The following BMX variants were observed in gnomAD, a reference collection of about 807,000 sequenced individuals.
BMX encodes the protein cytoplasmic tyrosine-protein kinase BMX.
A neutral mutation model predicts 59.2 loss-of-function variants in BMX; 31 were observed. That is an observed-to-expected ratio of 0.52 (90% confidence interval 0.39 to 0.71). The LOEUF (loss-of-function observed/expected upper bound fraction) is 0.71. Among genes scored for constraint, BMX ranks in the 30% least tolerant of loss-of-function variants. The pLI is 0.00. For synonymous variants in BMX, 185 were observed against 181.0 expected (o/e 1.02, Z -0.18); for missense variants, 474 against 491.7 (o/e 0.96, Z 0.34).
chrX:15,538,820 G>T (rs1217480359), intron 14 of BMX, among the ~76,000 whole-genome samples: 1 of 111,484 alleles, frequency 9.0e-6, no homozygotes, highest in African/African-American at 3.3e-5. Context: ...AAAATTATTT[G>T]GAAGCAGAGA....
chrX:15,526,922 GA>G (rs1200198805), intron 9 of BMX, among the ~76,000 whole-genome samples: 2 of 109,650 alleles, frequency 1.8e-5, no homozygotes, highest in Non-Finnish European at 3.8e-5. Flanking sequence ...GGATACTTTA[GA>G]AAGAGAAAAA....
At chrX:15,506,405 A>AT (rs1923744166) in intron 1 of BMX, among the ~76,000 whole-genome samples, 1 of 112,435 alleles carries the variant, frequency 8.9e-6, no homozygotes, top group African/African-American at 3.2e-5. Flanking sequence ...GCTTTGAGGA[A>AT]TGATGTTTCA....
intron 9 of BMX, among the ~76,000 whole-genome samples, chrX:15,527,730 G>C (rs1924863915): frequency 8.9e-6 from 1 of 111,756 alleles, no homozygotes; most frequent in African/African-American, 3.3e-5. Context: ...CTCTAACCCA[G>C]CCTGGTCCTA....
intron 4 of BMX, among the ~76,000 whole-genome samples, chrX:15,514,013 C>G (rs1157846511): frequency 9.0e-6 from 1 of 111,589 alleles, no homozygotes; most frequent in Non-Finnish European, 1.9e-5. Context: ...ATGAGTTCCT[C>G]TTATTGTCGT....
intron 1 of BMX, chrX:15,507,191 C>T (rs1459305647): frequency 4.1e-6 from 1 of 244,139 alleles, no homozygotes; most frequent in Non-Finnish European, 5.8e-6. Flanking sequence ...TGGATGGGTT[C>T]GCTTGGCGCC....
chrX:15,523,346 C>T (rs1924560669), intron 7 of BMX, among the ~76,000 whole-genome samples: 1 of 112,276 alleles, frequency 8.9e-6, no homozygotes, highest in African/African-American at 3.2e-5. Context: ...CAGAGCATCT[C>T]TCTGACTCAC....
rs746626126 is a variant in BMX, at chrX:15,546,909, G to A, written c.1783G>A (p.Val595Ile). Reference sequence around the variant, plus strand: ...CTTCAAATACAGCAGCAAGTCAGACGTATGGGCATTTGGTAAGGATGTGGC... The same window carrying A: ...CTTCAAATACAGCAGCAAGTCAGACATATGGGCATTTGGTAAGGATGTGGC... ...HYFKYSSKSD[V>I]WAFGILMWEV... The change falls in exon 17 of 19, where the codon GTA (valine) becomes ATA (isoleucine). Residue 595 changes from valine to isoleucine, a missense_variant. Physicochemically the swap from Val to Ile is conservative, Grantham distance 29. Transcript: ENST00000348343. 5.8e-6 allele frequency: 7 copies of A among 1,206,075 alleles called. No individual in the cohort carries two copies. The highest frequency in any genetic ancestry group is 3.0e-5 in the East Asian group (1 of 33,746).
rs777880915 is a variant in BMX at position 15,543,106 on chromosome X, T to C, written c.1647T>C (p.Cys549=). The C allele has an allele frequency of 6.6e-6, 8 of 1,208,676 alleles. No individual in the cohort carries two copies. In the South Asian group the frequency reaches 1.1e-4, roughly 16 times the overall value. ...ARNCLVDRDL[C]VKVSDFGMTR... ...ACTGCTTGGTGGACAGAGATCTCTG[T>C]GTGAAAGTATCTGACTTTGGAATGA... Residue 549 remains cysteine (C), a synonymous_variant, in exon 16 of 19, where the codon TGT becomes TGC. Coordinates refer to ENST00000348343, the MANE Select transcript of BMX (RefSeq NM_203281.3).
At chrX:15,515,147 G>A (rs773746257) in intron 4 of BMX, among the ~76,000 whole-genome samples, 231 of 107,057 alleles carry the variant, frequency 2.2e-3, no homozygotes, top group Non-Finnish European at 3.7e-3. Context: ...ACCAGGGCCT[G>A]TTGGGGGATG....
chrX:15,536,823 T>C (rs1262527987), intron 13 of BMX, among the ~76,000 whole-genome samples: 2 of 110,915 alleles, frequency 1.8e-5, no homozygotes, highest in Admixed American at 1.9e-4. Flanking sequence ...GTTTTACCAA[T>C]CTAAGGACAT....
chrX:15,517,469 T>C (rs1234572523), intron 5 of BMX, among the ~76,000 whole-genome samples: 2 of 111,929 alleles, frequency 1.8e-5, no homozygotes, highest in African/African-American at 6.5e-5. Flanking sequence ...AGCACTGCCT[T>C]GGGATTGCCT....
intron 10 of BMX, among the ~76,000 whole-genome samples, chrX:15,530,551 G>C (rs1925015847): frequency 8.9e-6 from 1 of 111,848 alleles, no homozygotes; most frequent in Non-Finnish European, 1.9e-5. Flanking sequence ...AGGTCCTATT[G>C]GTCATAGCAA....
intron 6 of BMX, among the ~76,000 whole-genome samples, chrX:15,519,334 T>C (rs1179592276): frequency 1.8e-5 from 2 of 112,327 alleles, no homozygotes; most frequent in Non-Finnish European, 3.8e-5. Flanking sequence ...AAGACAAAAA[T>C]AATCCATTAT....
intron 17 of BMX, among the ~76,000 whole-genome samples, chrX:15,548,227 C>T (rs760175001): frequency 2.7e-5 from 3 of 111,343 alleles, no homozygotes; most frequent in Middle Eastern, 4.2e-3. Context: ...GAGGCTGAGG[C>T]GGGCAGATCA....
intron 5 of BMX, 55 bp from the exon 6 acceptor site, chrX:15,517,874 T>C: frequency 9.8e-7 from 1 of 1,018,508 alleles, no homozygotes; most frequent in Middle Eastern, 2.8e-4. Flanking sequence ...ACATTGAGTG[T>C]TTCTCTTTGT....
intron 11 of BMX, among the ~76,000 whole-genome samples, chrX:15,533,492 T>C (rs1367537384): frequency 8.9e-6 from 1 of 112,094 alleles, no homozygotes; most frequent in Non-Finnish European, 1.9e-5. Flanking sequence ...CAACAATTTA[T>C]TAACTGTTTC....
chrX:15,551,108 G>A (rs922761200), intron 18 of BMX, among the ~76,000 whole-genome samples: 3 of 111,697 alleles, frequency 2.7e-5, no homozygotes, highest in African/African-American at 9.8e-5. Context: ...GGAGACAAGT[G>A]AGAGTTTTGG....
At chrX:15,521,306 G>A (rs1252416169) in intron 6 of BMX, among the ~76,000 whole-genome samples, 1 of 112,156 alleles carries the variant, frequency 8.9e-6, no homozygotes, top group Non-Finnish European at 1.9e-5. Context: ...ATTATAAAGT[G>A]TGTAGTCATT....
At position 15,528,739 on chromosome X, in the gene BMX, T is replaced by C. The variant is rs1215882136; in HGVS notation, c.885-1234T>C. ...AATACTGAAATATTATTTAAAACAA[T>C]AAGAGGCAGGCCTCAGCAAAATTAT... is the stretch of plus-strand genomic sequence containing the variant. On this transcript the variant is annotated intron_variant, in intron 9 of 18. Coordinates refer to ENST00000348343, the MANE Select transcript of BMX (RefSeq NM_203281.3). Among the ~76,000 whole-genome samples, 3 of 111,903 alleles carry C rather than the reference T, an allele frequency of 2.7e-5. No individual in the cohort carries two copies. In the Admixed American group the frequency reaches 2.8e-4, roughly 11 times the overall value.
Sources: allele counts gnomAD v4.1 joint callset (sites outside exome capture counted in the v4.1 genomes callset), GRCh38; gene constraint gnomAD v4.1.1; transcripts MANE v1.5; gene names NCBI Gene and HGNC (gene_info 2026-07-23, HGNC 2026-07-21).